Variants in KPNA6 observed in about 807,000 individuals in gnomAD.
The protein encoded by KPNA6 is karyopherin subunit alpha 6, also known as importin subunit alpha-7.
A neutral mutation model predicts 72.0 loss-of-function variants in KPNA6; 9 were observed. The observed-to-expected ratio is 0.13, with a 90% CI of 0.08 to 0.22. The LOEUF (loss-of-function observed/expected upper bound fraction) is 0.22, where lower values mean the gene tolerates loss of function less well. Among genes scored for constraint, KPNA6 ranks in the 10% least tolerant of loss-of-function variants. The pLI is 1.00. For synonymous variants in KPNA6, 219 were observed against 242.1 expected (o/e 0.90, Z 0.89); for missense variants, 374 against 655.7 (o/e 0.57, Z 4.69).
chr1:32,126,575 A>G lies in KPNA6; in HGVS notation c.4+18441A>G, dbSNP rs536181669. On this transcript the variant is annotated intron_variant, in intron 1 of 13. Transcript: ENST00000373625. Reference sequence around the variant, plus strand: ...AATTTTTGTATTTTTAGTAGAGACGAGGTTTCACCATGTTGGCCAGGCTGC... The same window carrying G: ...AATTTTTGTATTTTTAGTAGAGACGGGGTTTCACCATGTTGGCCAGGCTGC... Among the ~76,000 whole-genome samples, 10 of 151,840 alleles carry G rather than the reference A, an allele frequency of 6.6e-5. No individual in the cohort carries two copies. In the South Asian group the frequency reaches 2.1e-3, roughly 32 times the overall value.
chr1:32,170,617 C>A, intron 13 of KPNA6, 90 bp from the exon 14 acceptor site: 1 of 1,055,010 alleles, frequency 9.5e-7, no homozygotes, highest in Non-Finnish European at 1.4e-6. Flanking sequence ...TAAGCACTAA[C>A]ATACCTCAGG....
chr1:32,167,164 C>T lies in KPNA6; in HGVS notation c.1117-5C>T. 6.2e-7 allele frequency: 1 copy of T among 1,613,746 alleles called. No individual in the cohort carries two copies. The highest frequency in any genetic ancestry group is 8.5e-7 in the Non-Finnish European group (1 of 1,179,758). On this transcript the variant is annotated splice_polypyrimidine_tract_variant and splice_region_variant and intron_variant, in intron 11 of 13. Transcript: ENST00000373625. ...TCCATCTGCCTCCTCTCAATTCTCTCTCAGGCTGTTATAGATGCAAATATC... is the reference window on the plus strand; with the variant it reads ...TCCATCTGCCTCCTCTCAATTCTCTTTCAGGCTGTTATAGATGCAAATATC...
intron 1 of KPNA6, among the ~76,000 whole-genome samples, chr1:32,129,932 A>G (rs1641606948): frequency 6.6e-6 from 1 of 151,520 alleles, no homozygotes; most frequent in Non-Finnish European, 1.5e-5. Flanking sequence ...CTGTCAAATA[A>G]GGAATATGTA....
Position 32,108,157 on chromosome 1 carries a change from AG to A in KPNA6, c.4+26del, listed in dbSNP as rs763379440. On this transcript the variant is annotated intron_variant, in intron 1 of 13. Transcript: ENST00000373625. ...TGGGTGAGTGAGGAAACCACGCAGT[AG>A]GGTTCTTGGGCTCAGGGAGTGTCGG... is the stretch of plus-strand genomic sequence containing the variant. 6 of 1,613,844 alleles carry A rather than the reference AG, an allele frequency of 3.7e-6. No homozygotes were observed. In the African/African-American group the frequency reaches 5.3e-5, roughly 14 times the overall value.
rs751491901 is a variant in KPNA6 at position 32,163,289 on chromosome 1, C to T, written c.966C>T (p.Val322=). 2 of 1,612,712 alleles carry T rather than the reference C, an allele frequency of 1.2e-6. No individual in the cohort carries two copies. The highest frequency in any genetic ancestry group is 1.7e-5 in the Admixed American group (1 of 59,922). Residue 322 remains valine (V), a synonymous_variant, in exon 10 of 14, where the codon GTC becomes GTT. Coordinates refer to ENST00000373625, the MANE Select transcript of KPNA6 (RefSeq NM_012316.5). ...SPALRAVGNI[V]TGDDIQTQVI... The stretch of plus-strand genomic sequence containing the variant: ...CCCTGAGAGCCGTGGGTAACATCGT[C>T]ACTGGGGATGACATCCAGACCCAGG...
intron 2 of KPNA6, among the ~76,000 whole-genome samples, chr1:32,155,052 A>G (rs1642111570): frequency 1.4e-5 from 2 of 144,920 alleles, no homozygotes; most frequent in Admixed American, 7.1e-5. Flanking sequence ...CGGAGGTTGC[A>G]GGAGCTGAGT....
chr1:32,109,684 C>A (rs1180001057), intron 1 of KPNA6, among the ~76,000 whole-genome samples: 1 of 148,886 alleles, frequency 6.7e-6, no homozygotes, highest in African/African-American at 2.5e-5. Flanking sequence ...GGCTCTGTTG[C>A]CCAGGCTGGA....
intron 1 of KPNA6, among the ~76,000 whole-genome samples, chr1:32,149,551 G>C (rs976334251): frequency 7.2e-5 from 11 of 152,118 alleles, no homozygotes; most frequent in African/African-American, 2.4e-4. Context: ...TTTATTCCGC[G>C]AATGGGCCAT....
In KPNA6 at chr1:32,128,387, T is replaced by TTATATATATATATATA. The variant is rs67312157; in HGVS notation, c.4+20278_4+20293dup. ...TATATTTTTTATATTATATATGTAT[T>TTATATATATATATATA]TATATATATATATATATATATATAT... On this transcript the variant is annotated intron_variant, in intron 1 of 13. Transcript: ENST00000373625. 1.6e-3 allele frequency among the ~76,000 whole-genome samples: 112 copies of TTATATATATATATATA among 72,122 alleles called. 2 individuals carry two copies. Among genetic ancestry groups the TTATATATATATATATA allele is most frequent in the Non-Finnish European group, 2.4e-3 (85 of 35,912 alleles). The allele number at this position is 72,122 out of a possible 152,430, so 47.3% of individuals were successfully genotyped here. A position where few individuals can be genotyped will look rare whatever the true frequency, so the allele number is the denominator to read the frequency against.
chr1:32,166,207 G>A lies in KPNA6; in HGVS notation c.1093G>A (p.Ala365Thr). 1 of 1,614,000 alleles carries A rather than the reference G, an allele frequency of 6.2e-7. No homozygotes were observed. The highest frequency in any genetic ancestry group is 2.2e-5 in the East Asian group (1 of 44,878). The change falls in exon 11 of 14, where the codon GCT (alanine) becomes ACT (threonine). Residue 365 changes from alanine (A) to threonine (T), a missense_variant. Transcript: ENST00000373625. ...EACWTISNIT[A>T]GNRAQIQAVI... is the part of the protein sequence containing the mutation. ...TTGCTGGACTATTTCAAATATTACT[G>A]CTGGCAACAGGGCTCAAATACAGGT...
At chr1:32,108,453 C>CT (rs369047516) in intron 1 of KPNA6, among the ~76,000 whole-genome samples, 22 of 152,350 alleles carry the variant, frequency 1.4e-4, no homozygotes, top group African/African-American at 5.0e-4. Context: ...CAGACTGGGG[C>CT]TGGGGGACGG....
At chr1:32,121,907 A>C (rs1641438861) in intron 1 of KPNA6, among the ~76,000 whole-genome samples, 1 of 152,174 alleles carries the variant, frequency 6.6e-6, no homozygotes, top group South Asian at 2.1e-4. Context: ...CGGGAGGCAG[A>C]GGTTGCTGTG....
chr1:32,154,464 G>T, intron 1 of KPNA6, 124 bp from the exon 2 acceptor site: 1 of 948,566 alleles, frequency 1.1e-6, no homozygotes, highest in Admixed American at 2.6e-5. Context: ...GCTATTGAGA[G>T]CTCCCAGAGA....
intron 1 of KPNA6, among the ~76,000 whole-genome samples, chr1:32,108,975 G>C (rs1410895369): frequency 6.6e-6 from 1 of 152,228 alleles, no homozygotes; most frequent in Non-Finnish European, 1.5e-5. Context: ...AATTTGCTAA[G>C]CTCTTTCTAC....
chr1:32,117,096 G>T (rs756666527), intron 1 of KPNA6, among the ~76,000 whole-genome samples: 33 of 151,746 alleles, frequency 2.2e-4, no homozygotes, highest in Non-Finnish European at 3.8e-4. Flanking sequence ...GTGGCACAAA[G>T]TGAACACATG....
intron 1 of KPNA6, among the ~76,000 whole-genome samples, chr1:32,150,774 G>A (rs989615898): frequency 2.0e-5 from 3 of 151,962 alleles, no homozygotes; most frequent in South Asian, 2.1e-4. Context: ...CTACAGGTGC[G>A]TGCCACCAAG....
At chr1:32,112,315 A>AGAGG (rs1249431282) in intron 1 of KPNA6, among the ~76,000 whole-genome samples, 3 of 152,226 alleles carry the variant, frequency 2.0e-5, no homozygotes, top group African/African-American at 7.2e-5. Context: ...TCTTCTAAGT[A>AGAGG]GAGGCATACC....
At chr1:32,147,650 CTTTTTT>C (rs915571659) in intron 1 of KPNA6, among the ~76,000 whole-genome samples, 6 of 81,868 alleles carry the variant, frequency 7.3e-5, no homozygotes, top group African/African-American at 1.5e-4. Flanking sequence ...GATTTCTTTT[CTTTTTT>C]TTTTTTTTTT....
At chr1:32,125,466 C>T (rs1165857983) in intron 1 of KPNA6, among the ~76,000 whole-genome samples, 1 of 151,890 alleles carries the variant, frequency 6.6e-6, no homozygotes, top group African/African-American at 2.4e-5. Context: ...ATATCGAGAT[C>T]CAGCGATCAA....
Sources: allele counts gnomAD v4.1 joint callset (sites outside exome capture counted in the v4.1 genomes callset), GRCh38; gene constraint gnomAD v4.1.1; transcripts MANE v1.5; gene names NCBI Gene and HGNC (gene_info 2026-07-23, HGNC 2026-07-21).